The following HMGB1 variants were observed in gnomAD, a reference collection of about 807,000 sequenced individuals.
HMGB1 encodes the protein high mobility group protein B1.
For missense variants in HMGB1, 79 were observed against 253.5 expected (o/e 0.31, Z 4.67); for synonymous variants, 81 against 84.0 (o/e 0.96, Z 0.19).
intron 1 of HMGB1, among the ~76,000 whole-genome samples, chr13:30,523,258 C>A (rs1888279972): frequency 1.3e-5 from 2 of 152,202 alleles, no homozygotes; most frequent in African/African-American, 4.8e-5. Flanking sequence ...ATTTTCTATT[C>A]ATGAACTATC....
chr13:30,499,831 A>G (rs1229894699), intron 1 of HMGB1, among the ~76,000 whole-genome samples: 5 of 152,208 alleles, frequency 3.3e-5, no homozygotes, highest in African/African-American at 4.8e-5. Context: ...AACAAAACTA[A>G]ACCCTGCCCC....
chr13:30,551,437 C>T (rs74046061), intron 1 of HMGB1, among the ~76,000 whole-genome samples: 2,818 of 152,264 alleles, frequency 0.019, 83 homozygotes, highest in African/African-American at 0.06. Flanking sequence ...CACCATTTTC[C>T]GGTAGGCCTA....
intron 1 of HMGB1, among the ~76,000 whole-genome samples, chr13:30,548,914 T>C (rs1277905290): frequency 6.6e-6 from 1 of 152,204 alleles, no homozygotes; most frequent in Non-Finnish European, 1.5e-5. Context: ...CTATTAACAT[T>C]GTCCCTGATA....
At chr13:30,596,181 C>T (rs1034454971) in intron 1 of HMGB1, among the ~76,000 whole-genome samples, 25 of 152,114 alleles carry the variant, frequency 1.6e-4, no homozygotes, top group African/African-American at 5.6e-4. Context: ...ATACAAAATA[C>T]GGCACTCTGA....
intron 1 of HMGB1, among the ~76,000 whole-genome samples, chr13:30,593,759 T>TA (rs1057172084): frequency 4.9e-4 from 75 of 152,006 alleles, no homozygotes; most frequent in Non-Finnish European, 8.2e-4. Flanking sequence ...AGTCTAATCA[T>TA]AAAAAAAATC....
intron 1 of HMGB1, among the ~76,000 whole-genome samples, chr13:30,547,006 C>G (rs115378208): frequency 1.1e-3 from 173 of 152,336 alleles, no homozygotes; most frequent in African/African-American, 4.0e-3. Context: ...TATCCTACTC[C>G]TTCAGCATTA....
chr13:30,464,335 T>C, intron 1 of HMGB1: 1 of 985,324 alleles, frequency 1.0e-6, no homozygotes, highest in Non-Finnish European at 1.2e-6. Flanking sequence ...ACTAAACACG[T>C]CCGGTCTGAA....
chr13:30,605,366 A>C (rs898394967), intron 1 of HMGB1, among the ~76,000 whole-genome samples: 16 of 152,224 alleles, frequency 1.1e-4, no homozygotes, highest in South Asian at 2.1e-4. Context: ...ACACAAATTG[A>C]GACGAGATCC....
At chr13:30,493,019 G>C (rs1004049481) in intron 1 of HMGB1, among the ~76,000 whole-genome samples, 4 of 126,770 alleles carry the variant, frequency 3.2e-5, no homozygotes, top group Non-Finnish European at 6.9e-5. Flanking sequence ...AAAAAAAAAA[G>C]TTAAACATAC....
intron 1 of HMGB1, chr13:30,554,100 A>T (rs189632620): frequency 7.8e-7 from 1 of 1,281,298 alleles, no homozygotes; most frequent in East Asian, 2.3e-5. Flanking sequence ...ATTCAATGTG[A>T]AGCTCTTTCA....
intron 1 of HMGB1, among the ~76,000 whole-genome samples, chr13:30,491,598 G>A (rs967897702): frequency 5.1e-4 from 78 of 151,652 alleles, no homozygotes; most frequent in Non-Finnish European, 9.9e-4. Context: ...GGGAGGCAGA[G>A]GTTGCAGCGA....
At chr13:30,497,523 G>A (rs1480868476) in intron 1 of HMGB1, among the ~76,000 whole-genome samples, 1 of 151,572 alleles carries the variant, frequency 6.6e-6, no homozygotes. Flanking sequence ...TGTGTCATGG[G>A]GGCTTGGTGT....
At chr13:30,538,454 C>CTT (rs993060774) in intron 1 of HMGB1, among the ~76,000 whole-genome samples, 10 of 66,834 alleles carry the variant, frequency 1.5e-4, no homozygotes, top group African/African-American at 5.1e-4. Context: ...ACTAGCAATT[C>CTT]TTTCTTTCTT....
intron 1 of HMGB1, among the ~76,000 whole-genome samples, chr13:30,553,152 T>C (rs919149388): frequency 6.6e-6 from 1 of 152,220 alleles, no homozygotes; most frequent in African/African-American, 2.4e-5. Context: ...CAGGATCAAG[T>C]AGCAGATATT....
chr13:30,615,591 T>C (rs1030101973), intron 1 of HMGB1, among the ~76,000 whole-genome samples: 4 of 152,212 alleles, frequency 2.6e-5, no homozygotes, highest in Non-Finnish European at 1.5e-5. Context: ...GAATGTTAGA[T>C]TGAGATGTGG....
rs777174750 is a variant in HMGB1 at position 30,461,468 on chromosome 13, T to C, written c.537A>G (p.Glu179=). The change falls in exon 5 of 5, where the codon GAA becomes GAG. Residue 179 remains glutamate (E), a synonymous_variant. Transcript: ENST00000341423. ...DAAKKGVVKA[E]KSKKKKEEEE... ...CCTCTTCCTTCTTTTTCTTGCTTTT[T>C]TCAGCCTTGACAACTCCCTTTTTTG... is the stretch of plus-strand genomic sequence containing the variant. 1 of 1,558,568 alleles carries C rather than the reference T, an allele frequency of 6.4e-7. No homozygotes were observed. Among genetic ancestry groups the C allele is most frequent in the South Asian group, 1.2e-5 (1 of 85,056 alleles).
At chr13:30,541,938 C>T (rs1224437003) in intron 1 of HMGB1, 1 of 152,600 alleles carries the variant, frequency 6.6e-6, no homozygotes, top group Non-Finnish European at 1.5e-5. Context: ...TTGCCATATG[C>T]CTGAAGCTCA....
intron 1 of HMGB1, 82 bp downstream of exon 1, chr13:30,465,714 C>T (rs1417096323): frequency 2.6e-6 from 2 of 776,300 alleles, no homozygotes; most frequent in Non-Finnish European, 3.1e-6. Flanking sequence ...CCGCCGGCTC[C>T]CGGCCGCGGG....
rs1363746264 is a variant in HMGB1, at chr13:30,456,922, T to C, written c.*4435A>G. The C allele has an allele frequency of 1.3e-5, 2 of 151,618 alleles. No homozygotes were observed. The highest frequency in any genetic ancestry group is 4.9e-5 in the African/African-American group (2 of 41,224). The allele number at this position is 151,618 out of a possible 1,614,324, so 9.4% of individuals were successfully genotyped here. A position where few individuals can be genotyped will look rare whatever the true frequency, so the allele number is the denominator to read the frequency against. On this transcript the variant is annotated 3_prime_UTR_variant, in exon 5 of 5. Coordinates refer to ENST00000341423, the MANE Select transcript of HMGB1 (RefSeq NM_002128.7). ...CGCAGTACTGTTAAACAGCAAAAAA[T>C]AGGAAACAATCTAAATGTCCATCAG...
Sources: allele counts gnomAD v4.1 joint callset (sites outside exome capture counted in the v4.1 genomes callset), GRCh38; gene constraint gnomAD v4.1.1; transcripts MANE v1.5; gene names NCBI Gene and HGNC (gene_info 2026-07-23, HGNC 2026-07-21).